SYTL2: variants seen among roughly 807,000 people sequenced by gnomAD.
SYTL2 encodes the protein synaptotagmin-like protein 2.
In SYTL2, 165 loss-of-function variants were observed where a neutral mutation model predicts 198.7. The observed-to-expected ratio is 0.83, with a 90% confidence interval of 0.73 to 0.94. The LOEUF is 0.94. Ranked by LOEUF, SYTL2 falls within the 40% of genes least tolerant of loss-of-function variation. The probability of loss-of-function intolerance (pLI) is 0.00; values close to 1 mark genes in which losing one functional copy is unlikely to be tolerated. For synonymous variants in SYTL2, 966 were observed against 917.7 expected (o/e 1.05, Z -0.95); for missense variants, 2,835 against 2,582.8 (o/e 1.10, Z -2.12).
rs753472114 is a variant in SYTL2 at position 85,726,718 on chromosome 11, G to A, written c.2640C>T (p.Thr880=). ...NSYSSNKSKE[T]KPQIAGPSRY... is the part of the protein sequence containing the mutation. ...TGGATGGACCTGCTATTTGTGGCTT[G>A]GTCTCTTTAGATTTATTTGAGGAAT... Residue 880 remains threonine (T), a synonymous_variant, in exon 8 of 20, where the codon ACC becomes ACT. Transcript: ENST00000359152. The A allele has an allele frequency of 4.6e-6, 7 of 1,535,956 alleles. No individual in the cohort carries two copies. Among genetic ancestry groups the A allele is most frequent in the Non-Finnish European group, 5.2e-6 (6 of 1,146,876 alleles).
At chr11:85,788,444 T>C (rs1045981553) in intron 1 of SYTL2, among the ~76,000 whole-genome samples, 46 of 152,304 alleles carry the variant, frequency 3.0e-4, no homozygotes, top group African/African-American at 1.1e-3. Context: ...GTAAATAGCA[T>C]GTTTTCTATT....
intron 2 of SYTL2, among the ~76,000 whole-genome samples, chr11:85,749,249 T>TA (rs1424859198): frequency 2.0e-5 from 3 of 152,060 alleles, no homozygotes; most frequent in Non-Finnish European, 2.9e-5. Flanking sequence ...CTCAGTAAAA[T>TA]AAAAAAATCA....
chr11:85,761,007 G>A (rs1474947992), intron 1 of SYTL2, among the ~76,000 whole-genome samples: 2 of 152,148 alleles, frequency 1.3e-5, no homozygotes, highest in African/African-American at 4.8e-5. Flanking sequence ...TGTCCAGCAT[G>A]GGAGCTAACT....
At chr11:85,798,450 T>C (rs942591840) in intron 1 of SYTL2, among the ~76,000 whole-genome samples, 8 of 152,182 alleles carry the variant, frequency 5.3e-5, no homozygotes, top group African/African-American at 1.4e-4. Context: ...TTCAGAGTCT[T>C]AGCCAAAAAC....
upstream of SYTL2, among the ~76,000 whole-genome samples, chr11:85,812,720 G>T (rs755917861): frequency 1.3e-5 from 2 of 152,120 alleles, no homozygotes. Context: ...CATATGTCAC[G>T]GCTATTGCAC....
intron 12 of SYTL2, among the ~76,000 whole-genome samples, chr11:85,712,695 TACACACACACACACAC>T (rs200738930): frequency 4.8e-5 from 7 of 145,472 alleles, no homozygotes; most frequent in Non-Finnish European, 1.1e-4. Context: ...AAAATACATA[TACACACACACACACAC>T]ACACACACAC....
chr11:85,787,093 G>T (rs2092647601), intron 1 of SYTL2, among the ~76,000 whole-genome samples: 1 of 152,178 alleles, frequency 6.6e-6, no homozygotes, highest in African/African-American at 2.4e-5. Context: ...CTGCCTCACA[G>T]GCCTGGGGAG....
In SYTL2 at chr11:85,711,000, CTGTT is replaced by C. The variant is rs527725159; in HGVS notation, c.5745+109_5745+112del. On this transcript the variant is annotated intron_variant, in intron 13 of 19. Transcript: ENST00000359152. ...AGAAGCTAATTATGGATTAGAGAAACTGTTTGTGCCCTGAGAAATACAGGAGGAG... is the reference window on the plus strand; with the variant it reads ...AGAAGCTAATTATGGATTAGAGAAACTGTGCCCTGAGAAATACAGGAGGAG... The C allele has an allele frequency of 6.4e-4, 736 of 1,157,964 alleles. 2 individuals are homozygous for C. In the African/African-American group the frequency reaches 0.01, roughly 16 times the overall value. The allele number at this position is 1,157,964 out of a possible 1,614,324, so 71.7% of individuals were successfully genotyped here. A position where few individuals can be genotyped will look rare whatever the true frequency, so the allele number is the denominator to read the frequency against.
Position 85,698,216 on chromosome 11 carries a change from C to A in SYTL2, c.6269-138G>T, listed in dbSNP as rs566950064. 2.9e-5 allele frequency: 18 copies of A among 618,132 alleles called. No homozygotes were observed. In the South Asian group the frequency reaches 3.4e-4, roughly 12 times the overall value. The allele number at this position is 618,132 out of a possible 1,614,324, so 38.3% of individuals were successfully genotyped here. A position where few individuals can be genotyped will look rare whatever the true frequency, so the allele number is the denominator to read the frequency against. ...ATGATATCATCTGAACTGATTAAAT[C>A]TATACAGTCTTAACTAAGTCTTCAT... On this transcript the variant is annotated intron_variant, in intron 17 of 19. Transcript: ENST00000359152.
At chr11:85,823,968 C>T in the SYTL2 span, among the ~76,000 whole-genome samples, 5 of 152,252 alleles carry the variant, frequency 3.3e-5, no homozygotes, top group Middle Eastern at 3.4e-3. Context: ...CTGGGACTTG[C>T]AAAGAAACCA....
the SYTL2 span, among the ~76,000 whole-genome samples, chr11:85,833,724 G>C: frequency 1.4e-5 from 2 of 142,330 alleles, no homozygotes; most frequent in Admixed American, 1.4e-4. Context: ...TTGAGTCGAA[G>C]ATTTCTTTTT....
chr11:85,718,974 G>A, intron 9 of SYTL2, 131 bp from the exon 10 acceptor site: 2 of 1,537,190 alleles, frequency 1.3e-6, no homozygotes, highest in Non-Finnish European at 1.7e-6. Flanking sequence ...CAACCAAGAT[G>A]TCTTCCCCAA....
chr11:85,818,034 T>C, the SYTL2 span, among the ~76,000 whole-genome samples: 2 of 151,416 alleles, frequency 1.3e-5, no homozygotes, highest in Admixed American at 6.6e-5. Flanking sequence ...TCCCAAGTAG[T>C]TAGAATCACA....
At chr11:85,743,916 C>T in intron 4 of SYTL2, among the ~76,000 whole-genome samples, 1 of 152,070 alleles carries the variant, frequency 6.6e-6, no homozygotes, top group East Asian at 1.9e-4. Context: ...GGTCAGTGTT[C>T]TAGTGCTCCC....
chr11:85,770,852 C>T (rs2092340400), intron 1 of SYTL2, among the ~76,000 whole-genome samples: 1 of 152,172 alleles, frequency 6.6e-6, no homozygotes, highest in South Asian at 2.1e-4. Context: ...AATACTTATC[C>T]GTACATCTCT....
rs117681965 is a variant in SYTL2 at position 85,711,173 on chromosome 11, C to G, written c.5685G>C (p.Lys1895Asn). 3,359 of 1,614,008 alleles carry G rather than the reference C, an allele frequency of 2.1e-3. 6 individuals carry two copies. Among genetic ancestry groups the G allele is most frequent in the Non-Finnish European group, 2.3e-3 (2,694 of 1,179,892 alleles). The change falls in exon 13 of 20, where the codon AAG becomes AAC. Residue 1895 changes from lysine to asparagine, a missense_variant. This residue lies in a region of SYTL2 where 2,645 missense variants were observed against 2,381.7 expected (regional missense o/e 1.11). Transcript: ENST00000359152. ...SESSYQLSRHKKSPSSLTNLS... is the reference protein window; with the variant it reads ...SESSYQLSRHNKSPSSLTNLS... ...GATTGGTTAAAGAGCTCGGGCTCTT[C>G]TTGTGTCTGCTGAGCTGGTAACTGC... is the stretch of plus-strand genomic sequence containing the variant.
chr11:85,726,528 G>A lies in SYTL2; in HGVS notation c.2830C>T (p.Pro944Ser), dbSNP rs535656275. The change falls in exon 8 of 20, where the codon CCA becomes TCA. Residue 944 changes from proline (P) to serine (S), a missense_variant. This residue lies in a region of SYTL2 where 2,645 missense variants were observed against 2,381.7 expected (regional missense o/e 1.11). Transcript: ENST00000359152. ...ACTAGAGGTCTGTCTTTCTCCAATG[G>A]AGCATGTCGTTCACTCCCGACATTT... ...PSNVGSERHA[P>S]LEKDRPLVRE... The A allele has an allele frequency of 6.2e-7, 1 of 1,602,836 alleles. No individual in the cohort carries two copies. Among genetic ancestry groups the A allele is most frequent in the Admixed American group, 1.7e-5 (1 of 59,944 alleles).
the SYTL2 span, among the ~76,000 whole-genome samples, chr11:85,818,747 G>T: frequency 2.6e-5 from 4 of 152,040 alleles, no homozygotes; most frequent in Admixed American, 1.3e-4. Context: ...CTGCAGGGAA[G>T]TGGTGTGATC....
intron 1 of SYTL2, among the ~76,000 whole-genome samples, chr11:85,786,427 T>A (rs1327512063): frequency 1.3e-5 from 2 of 152,218 alleles, no homozygotes; most frequent in African/African-American, 4.8e-5. Context: ...GGAAAAAGTC[T>A]ATGCCAATAT....
Sources: allele counts gnomAD v4.1 joint callset (sites outside exome capture counted in the v4.1 genomes callset), GRCh38; gene constraint gnomAD v4.1.1; regional missense constraint gnomAD v4.1.1; transcripts MANE v1.5; gene names NCBI Gene and HGNC (gene_info 2026-07-23, HGNC 2026-07-21).